PPP3CA: variants seen among roughly 807,000 people sequenced by gnomAD.
PPP3CA encodes CAM-PRP catalytic subunit.
In PPP3CA, 14 loss-of-function variants were observed where a neutral mutation model predicts 66.5. The ratio of observed to expected loss-of-function variants is 0.21; its 90% CI spans 0.14 to 0.33. The LOEUF is 0.33. PPP3CA is among the 10% of genes least tolerant of loss of function. The pLI, the probability that PPP3CA is intolerant of heterozygous loss-of-function variation, is 1.00. For missense variants in PPP3CA, 317 were observed against 639.5 expected, an observed-to-expected ratio of 0.50 and a Z score of 5.44; for synonymous variants, 232 against 226.2, an observed-to-expected ratio of 1.03 and a Z score of -0.23.
rs1433358601 is a variant in PPP3CA at position 101,192,094 on chromosome 4, A to G, written c.259+3822T>C. 3.3e-5 allele frequency among the ~76,000 whole-genome samples: 5 copies of G among 152,230 alleles called. 1 individual carries two copies. The highest frequency in any genetic ancestry group is 7.3e-5 in the Non-Finnish European group (5 of 68,052). On this transcript the variant is annotated intron_variant, in intron 2 of 13. Transcript: ENST00000394854. The stretch of plus-strand genomic sequence containing the variant: ...TGCTAAGTGAAAGGAAAACAGGAAA[A>G]TATGAGAACTTCAGGGAGAAATGTA...
intron 2 of PPP3CA, among the ~76,000 whole-genome samples, chr4:101,168,120 T>C (rs1328874942): frequency 1.3e-5 from 2 of 152,070 alleles, no homozygotes; most frequent in African/African-American, 2.4e-5. Flanking sequence ...CCAGCCAAGG[T>C]AGTGGAAGGG....
chr4:101,243,459 G>A (rs1726376989), intron 1 of PPP3CA, among the ~76,000 whole-genome samples: 1 of 151,830 alleles, frequency 6.6e-6, no homozygotes, highest in Non-Finnish European at 1.5e-5. Context: ...TTCAACCAAA[G>A]GCAAATTAAA....
At chr4:101,341,204 T>A (rs1729804163) in intron 1 of PPP3CA, among the ~76,000 whole-genome samples, 1 of 22,794 alleles carries the variant, frequency 4.4e-5, no homozygotes, top group South Asian at 2.0e-3. Context: ...CTTTTTTTCT[T>A]TTTCTTTTTT....
chr4:101,325,146 C>T (rs1729172086), intron 1 of PPP3CA, among the ~76,000 whole-genome samples: 1 of 152,176 alleles, frequency 6.6e-6, no homozygotes, highest in South Asian at 2.1e-4. Context: ...CAGTGCTGGG[C>T]ATTGGTAGCT....
intron 1 of PPP3CA, among the ~76,000 whole-genome samples, chr4:101,294,254 G>T (rs1728122209): frequency 6.6e-6 from 1 of 152,188 alleles, no homozygotes; most frequent in Admixed American, 6.5e-5. Flanking sequence ...CTTGGACCTT[G>T]TGCCTTCATA....
At position 101,215,422 on chromosome 4, in the gene PPP3CA, G is replaced by T. The variant is rs573271070; in HGVS notation, c.59-19306C>A. ...TGCTTTAATTACATGCATTATTATC[G>T]ATTTCTTCCCAATTCCTCATTTCTA... On this transcript the variant is annotated intron_variant, in intron 1 of 13. Coordinates refer to ENST00000394854, the MANE Select transcript of PPP3CA (RefSeq NM_000944.5). 2.0e-5 allele frequency among the ~76,000 whole-genome samples: 3 copies of T among 151,982 alleles called. No homozygotes were observed. In the South Asian group the frequency reaches 6.2e-4, roughly 32 times the overall value.
chr4:101,196,557 T>C (rs970840771), intron 1 of PPP3CA, among the ~76,000 whole-genome samples: 2 of 152,162 alleles, frequency 1.3e-5, no homozygotes, highest in African/African-American at 4.8e-5. Context: ...CAACCAGATT[T>C]GCTGCTCTAA....
intron 13 of PPP3CA, among the ~76,000 whole-genome samples, chr4:101,027,994 A>G (rs1726748407): frequency 6.6e-6 from 1 of 152,210 alleles, no homozygotes; most frequent in South Asian, 2.1e-4. Flanking sequence ...TGCAGATTAG[A>G]ATTTGCCAAG....
chr4:101,265,829 C>A lies in PPP3CA; in HGVS notation c.59-69713G>T, dbSNP rs192474513. On this transcript the variant is annotated intron_variant, in intron 1 of 13. Coordinates refer to ENST00000394854, the MANE Select transcript of PPP3CA (RefSeq NM_000944.5). ...AGAAACTCCACTGGTCATTCACTTA[C>A]AAAGTAGAGAAAGACCTGGTCATGT... is the stretch of plus-strand genomic sequence containing the variant. 2.3e-4 allele frequency among the ~76,000 whole-genome samples: 35 copies of A among 152,178 alleles called. No homozygotes were observed. The East Asian group carries it at 6.4e-3, about 28-fold the overall frequency.
At chr4:101,100,537 T>C (rs1730398619) in intron 3 of PPP3CA, among the ~76,000 whole-genome samples, 1 of 152,116 alleles carries the variant, frequency 6.6e-6, no homozygotes, top group Admixed American at 6.6e-5. Context: ...AACTTGGGGA[T>C]ACATCTACAT....
chr4:101,270,020 T>C (rs1008906210), intron 1 of PPP3CA, among the ~76,000 whole-genome samples: 5 of 152,168 alleles, frequency 3.3e-5, no homozygotes, highest in African/African-American at 9.7e-5. Context: ...TAAGGGCATA[T>C]AACATGTGAG....
At chr4:101,169,534 C>T (rs1043605293) in intron 2 of PPP3CA, among the ~76,000 whole-genome samples, 8 of 152,088 alleles carry the variant, frequency 5.3e-5, no homozygotes, top group African/African-American at 1.2e-4. Context: ...AAAGCAATCA[C>T]GGTAATGGCA....
intron 1 of PPP3CA, among the ~76,000 whole-genome samples, chr4:101,220,377 T>C (rs921430379): frequency 2.0e-5 from 3 of 151,558 alleles, no homozygotes; most frequent in Admixed American, 6.6e-5. Context: ...AACCTGTTCC[T>C]TTTTTACCAA....
intron 1 of PPP3CA, among the ~76,000 whole-genome samples, chr4:101,274,384 T>C (rs895458527): frequency 6.6e-6 from 1 of 152,234 alleles, no homozygotes; most frequent in Non-Finnish European, 1.5e-5. Context: ...TTTGAGTCTT[T>C]ACTCAATTAG....
At chr4:101,029,272 G>A in intron 12 of PPP3CA, 77 bp from the exon 13 acceptor site, 1 of 1,257,400 alleles carries the variant, frequency 8.0e-7, no homozygotes, top group Non-Finnish European at 1.1e-6. Flanking sequence ...ACAAATCAGT[G>A]ACCATCAAAG....
At chr4:101,307,222 C>T (rs1208739277) in intron 1 of PPP3CA, among the ~76,000 whole-genome samples, 2 of 149,506 alleles carry the variant, frequency 1.3e-5, no homozygotes, top group Non-Finnish European at 3.0e-5. Flanking sequence ...ATACAAATGA[C>T]CCTACCTTAC....
intron 2 of PPP3CA, among the ~76,000 whole-genome samples, chr4:101,131,278 A>AAAT (rs1353966773): frequency 6.8e-5 from 9 of 132,838 alleles, no homozygotes; most frequent in African/African-American, 3.4e-4. Context: ...ATAAATAAAT[A>AAAT]AAATAAAAAG....
intron 10 of PPP3CA, among the ~76,000 whole-genome samples, chr4:101,056,161 C>T (rs1414153729): frequency 1.3e-5 from 2 of 151,952 alleles, no homozygotes; most frequent in Admixed American, 6.6e-5. Flanking sequence ...AGGTTTTCAA[C>T]TTACTGAGTC....
chr4:101,287,390 T>A (rs2850353), intron 1 of PPP3CA, among the ~76,000 whole-genome samples: 152,380 of 152,380 alleles, frequency 1, 76,190 homozygotes, highest in Non-Finnish European at 1. Flanking sequence ...CACCAAAAGA[T>A]ATAGAAATTA....
Sources: gnomAD v4.1 joint callset for allele counts (sites outside exome capture counted in the v4.1 genomes callset) on GRCh38, gnomAD v4.1.1 for gene constraint, MANE v1.5 for transcripts, NCBI Gene and HGNC (gene_info 2026-07-23, HGNC 2026-07-21) for gene names.